TEAD1: variants seen among roughly 807,000 people sequenced by gnomAD.
TEAD1 encodes the protein TEA domain transcription factor 1.
A neutral mutation model predicts 54.9 loss-of-function variants in TEAD1; 9 were observed. The observed-to-expected ratio is 0.16, with a 90% confidence interval of 0.10 to 0.29. The LOEUF is 0.29. Among genes scored for constraint, TEAD1 ranks in the 10% least tolerant of loss-of-function variants. The pLI, the probability that TEAD1 is intolerant of heterozygous loss-of-function variation, is 1.00. For synonymous variants in TEAD1, 200 were observed against 187.8 expected (o/e 1.07, Z -0.53); for missense variants, 387 against 535.9 (o/e 0.72, Z 2.74).
At chr11:12,775,297 A>G (rs924729949) in intron 3 of TEAD1, among the ~76,000 whole-genome samples, 1 of 152,172 alleles carries the variant, frequency 6.6e-6, no homozygotes, top group African/African-American at 2.4e-5. Flanking sequence ...GTTGCTGGGC[A>G]GAGGTTCATC....
chr11:12,699,887 G>A (rs1192874368), intron 2 of TEAD1, among the ~76,000 whole-genome samples: 1 of 152,206 alleles, frequency 6.6e-6, no homozygotes, highest in Non-Finnish European at 1.5e-5. Context: ...TGGGGGAAGT[G>A]TTCCTTCTCT....
At chr11:12,838,588 CAA>C (rs1053176868) in intron 3 of TEAD1, among the ~76,000 whole-genome samples, 8 of 152,096 alleles carry the variant, frequency 5.3e-5, no homozygotes, top group African/African-American at 1.9e-4. Context: ...TCATGTAAAA[CAA>C]AAGTTTATTA....
intron 10 of TEAD1, among the ~76,000 whole-genome samples, chr11:12,916,175 T>G (rs1430584733): frequency 6.6e-6 from 1 of 152,146 alleles, no homozygotes; most frequent in Non-Finnish European, 1.5e-5. Context: ...CAGAAAGAAT[T>G]CTATAACATG....
At chr11:12,717,564 A>C (rs1944091310) in intron 2 of TEAD1, among the ~76,000 whole-genome samples, 1 of 152,182 alleles carries the variant, frequency 6.6e-6, no homozygotes, top group Non-Finnish European at 1.5e-5. Context: ...TGTTTGCCTT[A>C]ATACACGATC....
intron 3 of TEAD1, among the ~76,000 whole-genome samples, chr11:12,828,881 T>C (rs1426780464): frequency 1.3e-5 from 2 of 151,746 alleles, no homozygotes; most frequent in Non-Finnish European, 2.9e-5. Context: ...AACCTGCCTG[T>C]TTTGGGGACA....
chr11:12,878,070 G>A (rs1349937354), intron 5 of TEAD1, among the ~76,000 whole-genome samples: 2 of 152,054 alleles, frequency 1.3e-5, no homozygotes, highest in Non-Finnish European at 2.9e-5. Context: ...GCCTCACAAA[G>A]TGCTGGGATT....
At chr11:12,758,405 GTTTTTT>G (rs1200374096) in intron 2 of TEAD1, among the ~76,000 whole-genome samples, 1 of 85,728 alleles carries the variant, frequency 1.2e-5, no homozygotes. Context: ...CGCCCAGCTA[GTTTTTT>G]TTTTTTTTTT....
At chr11:12,925,944 T>G (rs1018590279) in intron 11 of TEAD1, among the ~76,000 whole-genome samples, 3 of 152,256 alleles carry the variant, frequency 2.0e-5, no homozygotes, top group Non-Finnish European at 4.4e-5. Context: ...GGATCCAATC[T>G]CTTTTTACGG....
At chr11:12,720,192 A>G (rs1297455991) in intron 2 of TEAD1, among the ~76,000 whole-genome samples, 1 of 151,910 alleles carries the variant, frequency 6.6e-6, no homozygotes, top group Non-Finnish European at 1.5e-5. Context: ...TTTGAATTTA[A>G]TGTTAAATCT....
chr11:12,734,051 C>T (rs1188731903), intron 2 of TEAD1, among the ~76,000 whole-genome samples: 1 of 152,160 alleles, frequency 6.6e-6, no homozygotes, highest in Non-Finnish European at 1.5e-5. Context: ...TCCCAAGTAG[C>T]TGGGACTACT....
rs184938269 is a variant in TEAD1, at chr11:12,755,856, A to G, written c.-54-8323A>G. On this transcript the variant is annotated intron_variant, in intron 2 of 12. Coordinates refer to ENST00000527636, the MANE Select transcript of TEAD1 (RefSeq NM_021961.6). ...TCCTTTTGAAGGAGTCCACTGATAA[A>G]GAACAACAATGATCAGCTTGACTGG... Among the ~76,000 whole-genome samples the G allele has an allele frequency of 1.7e-4, 26 of 152,292 alleles. No homozygotes were observed. In the East Asian group the frequency reaches 4.6e-3, roughly 27 times the overall value.
At chr11:12,759,116 T>C (rs1945050157) in intron 2 of TEAD1, among the ~76,000 whole-genome samples, 1 of 152,114 alleles carries the variant, frequency 6.6e-6, no homozygotes, top group Admixed American at 6.5e-5. Flanking sequence ...AAATCAACCC[T>C]TTTACTTAAG....
chr11:12,861,351 CT>C (rs1277995359), intron 3 of TEAD1, among the ~76,000 whole-genome samples: 1 of 152,112 alleles, frequency 6.6e-6, no homozygotes, highest in Non-Finnish European at 1.5e-5. Context: ...GGGCATTGTT[CT>C]TTCCCCAGAA....
chr11:12,692,401 T>C (rs868853077), intron 2 of TEAD1, among the ~76,000 whole-genome samples: 1 of 152,166 alleles, frequency 6.6e-6, no homozygotes, highest in African/African-American at 2.4e-5. Flanking sequence ...ACGGCACAAG[T>C]GAATAGTCCT....
intron 3 of TEAD1, among the ~76,000 whole-genome samples, chr11:12,817,774 G>A (rs1038171636): frequency 2.0e-5 from 3 of 152,224 alleles, no homozygotes; most frequent in Admixed American, 6.5e-5. Context: ...CATGGACAGA[G>A]TGCCAAGAAA....
At chr11:12,915,749 C>T (rs1948700839) in intron 10 of TEAD1, among the ~76,000 whole-genome samples, 1 of 152,130 alleles carries the variant, frequency 6.6e-6, no homozygotes, top group African/African-American at 2.4e-5. Context: ...GAGGCTGAGG[C>T]AGTAGAATCT....
chr11:12,818,771 C>T (rs780917378), intron 3 of TEAD1, among the ~76,000 whole-genome samples: 37 of 152,166 alleles, frequency 2.4e-4, no homozygotes, highest in Admixed American at 5.2e-4. Context: ...TGTGCAGATG[C>T]AATTTATAAT....
chr11:12,754,280 T>C (rs771993584), intron 2 of TEAD1, among the ~76,000 whole-genome samples: 2 of 152,220 alleles, frequency 1.3e-5, no homozygotes, highest in Admixed American at 6.5e-5. Flanking sequence ...CCCAATGTTA[T>C]TTGACACTGT....
intron 3 of TEAD1, among the ~76,000 whole-genome samples, chr11:12,835,456 C>T (rs903668141): frequency 5.3e-5 from 8 of 151,032 alleles, no homozygotes; most frequent in African/African-American, 2.0e-4. Context: ...ATTATAGGCT[C>T]GTGCCAGCAC....
Sources: allele counts gnomAD v4.1 joint callset (sites outside exome capture counted in the v4.1 genomes callset), GRCh38; gene constraint gnomAD v4.1.1; transcripts MANE v1.5; gene names NCBI Gene and HGNC (gene_info 2026-07-23, HGNC 2026-07-21).